CA10: variants seen among roughly 807,000 people sequenced by gnomAD.
CA10 encodes carbonic anhydrase 10 (inactive), also known as carbonic anhydrase-related protein 10.
A neutral mutation model predicts 44.2 loss-of-function variants in CA10; 14 were observed. The observed-to-expected ratio is 0.32, with a 90% confidence interval of 0.21 to 0.50. The LOEUF (loss-of-function observed/expected upper bound fraction) is 0.50. Ranked by LOEUF, CA10 falls within the 20% of genes least tolerant of loss-of-function variation. The probability of loss-of-function intolerance (pLI) is 0.99; values close to 1 mark genes in which losing one functional copy is unlikely to be tolerated. For missense variants in CA10, 350 were observed against 409.7 expected, an observed-to-expected ratio of 0.85 and a Z score of 1.26; for synonymous variants, 159 against 141.6, an observed-to-expected ratio of 1.12 and a Z score of -0.87.
intron 3 of CA10, among the ~76,000 whole-genome samples, chr17:51,791,676 C>T (rs1906523325): frequency 6.6e-6 from 1 of 152,134 alleles, no homozygotes; most frequent in Non-Finnish European, 1.5e-5. Context: ...CACTGTGGCG[C>T]CACCAACTCA....
chr17:51,745,667 C>T (rs1904655574), intron 4 of CA10, among the ~76,000 whole-genome samples: 3 of 152,094 alleles, frequency 2.0e-5, no homozygotes, highest in Admixed American at 6.5e-5. Context: ...TACAAAGCAC[C>T]CTTATCATAT....
intron 2 of CA10, among the ~76,000 whole-genome samples, chr17:52,053,867 C>T (rs1401009593): frequency 2.6e-5 from 4 of 152,090 alleles, no homozygotes; most frequent in South Asian, 4.1e-4. Flanking sequence ...TTCATGGACA[C>T]TTATCACTTC....
At chr17:51,822,916 A>G (rs889413782) in intron 3 of CA10, among the ~76,000 whole-genome samples, 1 of 152,336 alleles carries the variant, frequency 6.6e-6, no homozygotes, top group Non-Finnish European at 1.5e-5. Flanking sequence ...AATGACAGCC[A>G]GAATCCTTCT....
At chr17:51,753,488 A>C (rs916892284) in intron 3 of CA10, among the ~76,000 whole-genome samples, 3 of 152,082 alleles carry the variant, frequency 2.0e-5, no homozygotes, top group African/African-American at 7.2e-5. Flanking sequence ...GGTAGGAAAA[A>C]TTTTCATTCT....
intron 2 of CA10, among the ~76,000 whole-genome samples, chr17:52,065,464 T>C (rs1423904661): frequency 6.6e-6 from 1 of 152,150 alleles, no homozygotes; most frequent in Non-Finnish European, 1.5e-5. Flanking sequence ...GAGCCCCTGG[T>C]GCATGGAAGG....
chr17:51,820,771 G>A (rs1411944740), intron 3 of CA10, among the ~76,000 whole-genome samples: 1 of 151,848 alleles, frequency 6.6e-6, no homozygotes, highest in East Asian at 1.9e-4. Flanking sequence ...TACTCATTTA[G>A]AGCACGTCCC....
intron 3 of CA10, among the ~76,000 whole-genome samples, chr17:51,848,622 C>T (rs1978605270): frequency 6.6e-6 from 1 of 152,230 alleles, no homozygotes; most frequent in Non-Finnish European, 1.5e-5. Context: ...AGCACCTCCT[C>T]TGAGTGTGCC....
Position 51,728,424 on chromosome 17 carries a change from T to C in CA10, c.465+19209A>G, listed in dbSNP as rs1043963898. On this transcript the variant is annotated intron_variant, in intron 4 of 8. Transcript: ENST00000451037. Reference sequence around the variant, plus strand: ...ATATAATCCAGGATCTCACATACAATTAGTTGTCATCTCTATTCAGTCTCC... The same window carrying C: ...ATATAATCCAGGATCTCACATACAACTAGTTGTCATCTCTATTCAGTCTCC... Among the ~76,000 whole-genome samples, 4 of 152,198 alleles carry C rather than the reference T, an allele frequency of 2.6e-5. No homozygotes were observed. In the South Asian group the frequency reaches 8.3e-4, roughly 32 times the overall value.
chr17:51,967,536 C>G (rs1172123005), intron 2 of CA10, among the ~76,000 whole-genome samples: 1 of 151,680 alleles, frequency 6.6e-6, no homozygotes, highest in Non-Finnish European at 1.5e-5. Context: ...ATGTCCTCTG[C>G]AGTAACATAG....
intron 1 of CA10, among the ~76,000 whole-genome samples, chr17:52,155,194 G>C (rs1002144493): frequency 5.3e-5 from 8 of 152,182 alleles, no homozygotes; most frequent in Non-Finnish European, 1.0e-4. Context: ...TCAATGTCTG[G>C]TAACTCTGTA....
chr17:51,684,049 T>C (rs966409783), intron 4 of CA10, among the ~76,000 whole-genome samples: 4 of 152,186 alleles, frequency 2.6e-5, no homozygotes, highest in Admixed American at 2.0e-4. Flanking sequence ...TGTGATTAAG[T>C]TAAGGGTCTT....
chr17:51,698,734 C>T (rs921133243), intron 4 of CA10, among the ~76,000 whole-genome samples: 3 of 152,214 alleles, frequency 2.0e-5, no homozygotes, highest in African/African-American at 4.8e-5. Context: ...CTTCCAACCC[C>T]TGGTAACCAC....
At chr17:51,770,888 G>A (rs1205158373) in intron 3 of CA10, among the ~76,000 whole-genome samples, 1 of 151,930 alleles carries the variant, frequency 6.6e-6, no homozygotes, top group Non-Finnish European at 1.5e-5. Flanking sequence ...CACTTTGGGA[G>A]GCTGAGGCAG....
chr17:51,987,144 A>C (rs1984869077), intron 2 of CA10, among the ~76,000 whole-genome samples: 1 of 151,926 alleles, frequency 6.6e-6, no homozygotes, highest in Non-Finnish European at 1.5e-5. Context: ...AGAAACTGTG[A>C]TACAAATATG....
rs923721691 is a variant in CA10, at chr17:51,774,585, G to T, written c.280-26767C>A. Among the ~76,000 whole-genome samples the T allele has an allele frequency of 1.7e-4, 26 of 152,002 alleles. 1 individual carries two copies. The highest frequency in any genetic ancestry group is 6.3e-4 in the African/African-American group (26 of 41,462). On this transcript the variant is annotated intron_variant, in intron 3 of 8. Transcript: ENST00000451037. Reference sequence around the variant, plus strand: ...CTCCCTAGTAGCTGGGACTACAGGCGCACACCACCACATCCGGCTAATTTT... The same window carrying T: ...CTCCCTAGTAGCTGGGACTACAGGCTCACACCACCACATCCGGCTAATTTT...
At chr17:52,063,078 G>C (rs921320146) in intron 2 of CA10, among the ~76,000 whole-genome samples, 1 of 152,206 alleles carries the variant, frequency 6.6e-6, no homozygotes, top group Non-Finnish European at 1.5e-5. Context: ...GGTCAAAGAA[G>C]ATTATTTTGG....
At chr17:51,677,077 A>G (rs892469363) in intron 4 of CA10, among the ~76,000 whole-genome samples, 1 of 152,196 alleles carries the variant, frequency 6.6e-6, no homozygotes, top group Non-Finnish European at 1.5e-5. Context: ...TTTTGTTGTC[A>G]AACAGACCAG....
intron 3 of CA10, among the ~76,000 whole-genome samples, chr17:51,827,272 G>C (rs765961372): frequency 2.0e-5 from 3 of 151,784 alleles, no homozygotes; most frequent in South Asian, 2.1e-4. Context: ...CAATCTGCAG[G>C]ACTTCTCAGA....
At chr17:52,134,744 A>G (rs1189840856) in intron 1 of CA10, 1 of 402,246 alleles carries the variant, frequency 2.5e-6, no homozygotes. Flanking sequence ...GTATTTTGCA[A>G]TTCTCTGTGT....
Sources: gnomAD v4.1 joint callset for allele counts (sites outside exome capture counted in the v4.1 genomes callset) on GRCh38, gnomAD v4.1.1 for gene constraint, MANE v1.5 for transcripts, NCBI Gene and HGNC (gene_info 2026-07-23, HGNC 2026-07-21) for gene names.